MRPS35: variants seen among roughly 807,000 people sequenced by gnomAD.
The protein encoded by MRPS35 is small ribosomal subunit protein mS35.
A neutral mutation model predicts 32.7 loss-of-function variants in MRPS35; 29 were observed. The ratio of observed to expected loss-of-function variants is 0.89; its 90% CI spans 0.66 to 1.21. The LOEUF is 1.21. Ranked by LOEUF, MRPS35 falls within the 50% of genes most tolerant of loss-of-function variation. The probability of loss-of-function intolerance (pLI) is 0.00; values close to 1 mark genes in which losing one functional copy is unlikely to be tolerated. For synonymous variants in MRPS35, 148 were observed against 139.3 expected (o/e 1.06, Z -0.44); for missense variants, 373 against 383.8 (o/e 0.97, Z 0.23).
rs760055061 is a variant in MRPS35, at chr12:27,724,075, G to A, written c.411G>A (p.Leu137=). 1.2e-6 allele frequency: 2 copies of A among 1,610,380 alleles called. No homozygotes were observed. Among genetic ancestry groups the A allele is most frequent in the South Asian group, 1.1e-5 (1 of 90,266 alleles). The change falls in exon 5 of 8, where the codon CTG becomes CTA. Residue 137 remains leucine, a synonymous_variant. Transcript: ENST00000081029. ...KDFCTEWPAA[L]DSDEKCEKHF... ...TTTGCACTGAGTGGCCAGCCGCACT[G>A]GACAGTGACGAGAAATGTGAGAAGC...
intron 7 of MRPS35, among the ~76,000 whole-genome samples, chr12:27,743,751 G>T (rs780543713): frequency 6.6e-5 from 10 of 152,160 alleles, no homozygotes; most frequent in Non-Finnish European, 1.0e-4. Flanking sequence ...TTAAATGATA[G>T]AAATTTATTT....
intron 5 of MRPS35, among the ~76,000 whole-genome samples, chr12:27,727,182 C>T (rs1268352441): frequency 6.6e-6 from 1 of 151,930 alleles, no homozygotes; most frequent in Non-Finnish European, 1.5e-5. Flanking sequence ...AGGATGGTCT[C>T]GATCTCCTGA....
chr12:27,755,604 C>A lies in MRPS35; in HGVS notation c.*154C>A. 1 of 626,768 alleles carries A rather than the reference C, an allele frequency of 1.6e-6. No homozygotes were observed. Among genetic ancestry groups the A allele is most frequent in the Non-Finnish European group, 2.4e-6 (1 of 410,600 alleles). 38.8% of individuals were successfully genotyped at this position (626,768 alleles called of 1,614,324 possible). On this transcript the variant is annotated 3_prime_UTR_variant, in exon 8 of 8. Transcript: ENST00000081029. ...TACTAATGCTTAATGGCAATGATTA[C>A]TCCAGAGTTTTTTAATTTTTACACT...
At chr12:27,724,655 AT>A (rs1253178841) in intron 5 of MRPS35, among the ~76,000 whole-genome samples, 2 of 152,058 alleles carry the variant, frequency 1.3e-5, no homozygotes, top group Non-Finnish European at 2.9e-5. Context: ...AGGCAGGAGA[AT>A]TGCTTGAACC....
intron 7 of MRPS35, among the ~76,000 whole-genome samples, chr12:27,749,657 A>G (rs910377581): frequency 7.2e-5 from 11 of 152,124 alleles, no homozygotes; most frequent in African/African-American, 1.9e-4. Context: ...CTTACTCCCA[A>G]TGCTTCGCCT....
intron 5 of MRPS35, among the ~76,000 whole-genome samples, chr12:27,728,575 A>C (rs12146715): frequency 0.12 from 18,399 of 152,110 alleles, 1,393 homozygotes; most frequent in East Asian, 0.18. Flanking sequence ...TATCTACTCC[A>C]CATTATATTT....
At chr12:27,747,352 C>G (rs769579375) in intron 7 of MRPS35, among the ~76,000 whole-genome samples, 1 of 152,090 alleles carries the variant, frequency 6.6e-6, no homozygotes, top group Non-Finnish European at 1.5e-5. Context: ...TCTGCTCACC[C>G]CATTAGACTG....
rs918254462 is a variant in MRPS35 at position 27,722,174 on chromosome 12, A to G, written c.383-1873A>G. Among the ~76,000 whole-genome samples the G allele has an allele frequency of 5.3e-5, 8 of 152,248 alleles. No homozygotes were observed. In the South Asian group the frequency reaches 1.7e-3, roughly 31 times the overall value. ...ACACTTGCTGCTGGCCTCCGGATTCAGATTGCGTCTTCCGTATAACTCAAA... is the reference window on the plus strand; with the variant it reads ...ACACTTGCTGCTGGCCTCCGGATTCGGATTGCGTCTTCCGTATAACTCAAA... On this transcript the variant is annotated intron_variant, in intron 4 of 7. Transcript: ENST00000081029.
At chr12:27,739,492 G>A (rs1354417887) in intron 7 of MRPS35, among the ~76,000 whole-genome samples, 1 of 152,194 alleles carries the variant, frequency 6.6e-6, no homozygotes, top group Non-Finnish European at 1.5e-5. Flanking sequence ...TTGGTTGTGA[G>A]ATGAGTAAAA....
chr12:27,737,758 C>T (rs373141682), intron 7 of MRPS35, 150 bp downstream of exon 7: 5 of 618,972 alleles, frequency 8.1e-6, no homozygotes, highest in African/African-American at 5.7e-5. Flanking sequence ...GTAGCTTCTA[C>T]TGACTTTAAA....
At chr12:27,721,265 C>T (rs2061873380) in intron 4 of MRPS35, among the ~76,000 whole-genome samples, 1 of 152,164 alleles carries the variant, frequency 6.6e-6, no homozygotes, top group Non-Finnish European at 1.5e-5. Context: ...CTTAATAGGT[C>T]TTCTACTTTA....
Position 27,724,059 on chromosome 12 carries a change from A to G in MRPS35, c.395A>G (p.Glu132Gly), listed in dbSNP as rs1593466636. 6.2e-7 allele frequency: 1 copy of G among 1,601,352 alleles called. No homozygotes were observed. Among genetic ancestry groups the G allele is most frequent in the East Asian group, 2.2e-5 (1 of 44,826 alleles). ...CTTTTATTCTCAGATTTTTGCACTG[A>G]GTGGCCAGCCGCACTGGACAGTGAC... ...HCEALKDFCT[E>G]WPAALDSDEK... The change falls in exon 5 of 8, where the codon GAG becomes GGG. Residue 132 changes from glutamate (E) to glycine (G), a missense_variant. By Grantham distance (98) the Glu-to-Gly change is moderately conservative. Coordinates refer to ENST00000081029, the MANE Select transcript of MRPS35 (RefSeq NM_021821.4).
chr12:27,755,142 A>G, intron 7 of MRPS35, 39 bp from the exon 8 acceptor site: 1 of 1,477,792 alleles, frequency 6.8e-7, no homozygotes, highest in Non-Finnish European at 9.0e-7. Context: ...TATTTCTCAG[A>G]ATTCAGAACT....
intron 1 of MRPS35, among the ~76,000 whole-genome samples, chr12:27,711,330 G>A (rs950418743): frequency 6.6e-6 from 1 of 152,236 alleles, no homozygotes; most frequent in Non-Finnish European, 1.5e-5. Context: ...GAGTCATACG[G>A]CTGTGCTAGG....
At chr12:27,720,388 C>A in intron 4 of MRPS35, among the ~76,000 whole-genome samples, 1 of 139,234 alleles carries the variant, frequency 7.2e-6, no homozygotes. Context: ...GAGGGAAACG[C>A]CATCTCAAAA....
rs762568124 is a variant in MRPS35, at chr12:27,755,352, T to C, written c.874T>C (p.Tyr292His). 6.3e-7 allele frequency: 1 copy of C among 1,584,940 alleles called. No homozygotes were observed. The highest frequency in any genetic ancestry group is 8.6e-7 in the Non-Finnish European group (1 of 1,158,348). ...ELLGTKEIEEYKKSVVSLKNE... is the reference protein window; with the variant it reads ...ELLGTKEIEEHKKSVVSLKNE... ...CCTTGGTACTAAAGAAATTGAAGAG[T>C]ACAAAAAGTCTGTTGTTAGTCTTAA... The change falls in exon 8 of 8, where the codon TAC (tyrosine) becomes CAC (histidine). Residue 292 changes from tyrosine to histidine, a missense_variant. Physicochemically the swap from Tyr to His is moderately conservative, Grantham distance 83. Coordinates refer to ENST00000081029, the MANE Select transcript of MRPS35 (RefSeq NM_021821.4).
intron 6 of MRPS35, among the ~76,000 whole-genome samples, chr12:27,735,830 A>T (rs377544301): frequency 6.6e-6 from 1 of 152,362 alleles, no homozygotes; most frequent in South Asian, 2.1e-4. Flanking sequence ...AGAGATTAGA[A>T]GAAAAAAGTG....
chr12:27,724,771 G>A (rs753990306), intron 5 of MRPS35, among the ~76,000 whole-genome samples: 7 of 151,814 alleles, frequency 4.6e-5, no homozygotes, highest in African/African-American at 7.3e-5. Context: ...AAAATTGCCC[G>A]TAAATCTACT....
At position 27,710,944 on chromosome 12, in the gene MRPS35, C is replaced by CA; in HGVS notation, c.102dup (p.Pro35ThrfsTer2). On this transcript the variant is annotated frameshift_variant, in exon 1 of 8. Coordinates refer to ENST00000081029, the MANE Select transcript of MRPS35 (RefSeq NM_021821.4). LOFTEE classifies it high-confidence loss of function. The stretch of plus-strand genomic sequence containing the variant: ...GTCTACTCGGCCACTCCGGTCCCGA[C>CA]ACCTAGCCTGCGTGAGTGTCTGTCT... 6.2e-7 allele frequency: 1 copy of CA among 1,612,988 alleles called. No individual in the cohort carries two copies. Among genetic ancestry groups the CA allele is most frequent in the Non-Finnish European group, 8.5e-7 (1 of 1,179,724 alleles).
Sources: gnomAD v4.1 joint callset for allele counts (sites outside exome capture counted in the v4.1 genomes callset) on GRCh38, gnomAD v4.1.1 for gene constraint, MANE v1.5 for transcripts, NCBI Gene and HGNC (gene_info 2026-07-23, HGNC 2026-07-21) for gene names.